Variants in ZNF100 observed in about 807,000 individuals in gnomAD.
ZNF100 encodes the protein zinc finger protein 100.
Under a neutral mutation model 15.8 loss-of-function variants are expected in ZNF100, and 12 were observed. The observed-to-expected ratio is 0.76, with a 90% CI of 0.49 to 1.23. The LOEUF (loss-of-function observed/expected upper bound fraction) is 1.23, where lower values mean the gene tolerates loss of function less well. ZNF100 is among the 50% of genes most tolerant of loss of function. The pLI is 0.00. For synonymous variants in ZNF100, 226 were observed against 214.8 expected, an observed-to-expected ratio of 1.05 and a Z score of -0.45; for missense variants, 670 against 635.6, an observed-to-expected ratio of 1.05 and a Z score of -0.58.
At chr19:21,743,853 CAAAAAAA>C (rs55874930) in intron 4 of ZNF100, among the ~76,000 whole-genome samples, 157 bp downstream of exon 4, 11 of 96,628 alleles carry the variant, frequency 1.1e-4, no homozygotes, top group Non-Finnish European at 1.8e-4. Flanking sequence ...ACGTGACAGC[CAAAAAAA>C]AAAAAAAAAA....
intron 4 of ZNF100, among the ~76,000 whole-genome samples, chr19:21,736,670 C>A (rs2036013532): frequency 1.3e-5 from 2 of 152,228 alleles, no homozygotes; most frequent in African/African-American, 4.8e-5. Context: ...TTAGCAAATT[C>A]AAAAGAACCA....
At position 21,756,994 on chromosome 19, in the gene ZNF100, C is replaced by T. The variant is rs192491751; in HGVS notation, c.96+8700G>A. 2.0e-3 allele frequency among the ~76,000 whole-genome samples: 302 copies of T among 152,318 alleles called. 1 individual carries two copies. Among genetic ancestry groups the T allele is most frequent in the Non-Finnish European group, 3.3e-3 (224 of 68,032 alleles). ...ACAAGAGGAATGAGGAAATAATTCCCTATTTAATAAATGGTGCTGGAACAA... is the reference window on the plus strand; with the variant it reads ...ACAAGAGGAATGAGGAAATAATTCCTTATTTAATAAATGGTGCTGGAACAA... On this transcript the variant is annotated intron_variant, in intron 2 of 4. Coordinates refer to ENST00000358296, the MANE Select transcript of ZNF100 (RefSeq NM_173531.4).
intron 2 of ZNF100, among the ~76,000 whole-genome samples, chr19:21,749,331 G>T (rs144623229): frequency 3.3e-5 from 5 of 151,256 alleles, no homozygotes; most frequent in African/African-American, 7.3e-5. Context: ...CTCTTACACC[G>T]AGACAGAAGC....
Position 21,727,760 on chromosome 19 carries a change from T to TGCA in ZNF100, c.551_552insTGC (p.Lys184delinsAsnAla). On this transcript the variant is annotated protein_altering_variant, in exon 5 of 5. Transcript: ENST00000358296. Reference sequence around the variant, plus strand: ...TTGAATTTGAAAATGTATGAAAGACTTTTGCAGATGGATCACATTGAAATA... The same window carrying TGCA: ...TTGAATTTGAAAATGTATGAAAGACTGCATTTGCAGATGGATCACATTGAAATA... 6.2e-7 allele frequency: 1 copy of TGCA among 1,613,832 alleles called. No homozygotes were observed. The highest frequency in any genetic ancestry group is 8.5e-7 in the Non-Finnish European group (1 of 1,179,802).
At chr19:21,753,278 A>G (rs2036339882) in intron 2 of ZNF100, 2 of 152,160 alleles carry the variant, frequency 1.3e-5, no homozygotes, top group African/African-American at 4.8e-5. Flanking sequence ...GCAAAATTAA[A>G]TGCAAAAGAA....
At chr19:21,760,751 C>CTTT (rs2036469484) in intron 2 of ZNF100, among the ~76,000 whole-genome samples, 1 of 97,040 alleles carries the variant, frequency 1.0e-5, no homozygotes, top group African/African-American at 4.2e-5. Context: ...GAAGAACTTT[C>CTTT]TTGTTTTTTT....
Position 21,736,232 on chromosome 19 carries a change from C to T in ZNF100, c.322+7785G>A, listed in dbSNP as rs147665112. Among the ~76,000 whole-genome samples the T allele has an allele frequency of 4.1e-3, 631 of 152,244 alleles. 4 individuals are homozygous for T. Among genetic ancestry groups the T allele is most frequent in the African/African-American group, 0.015 (603 of 41,534 alleles). On this transcript the variant is annotated intron_variant, in intron 4 of 4. Transcript: ENST00000358296. ...CTTCCTGAGTAGGTGGGATTACAGG[C>T]ACCAACCACTATGCCCAGCTAATTT...
chr19:21,727,713 G>T lies in ZNF100; in HGVS notation c.599C>A (p.Thr200Asn). The change falls in exon 5 of 5, where the codon ACT (threonine) becomes AAT (asparagine). Residue 200 changes from threonine (T) to asparagine (N), a missense_variant. Coordinates refer to ENST00000358296, the MANE Select transcript of ZNF100 (RefSeq NM_173531.4). The part of the protein sequence containing the change: ...SNSNRHKIRH[T>N]RKKPFKCKKC... ...TTTACATTTGAAAGGTTTCTTTCTA[G>T]TATGTCTTATCTTATGTCTGTTTGA... 1 of 1,613,688 alleles carries T rather than the reference G, an allele frequency of 6.2e-7. No homozygotes were observed. Among genetic ancestry groups the T allele is most frequent in the Non-Finnish European group, 8.5e-7 (1 of 1,179,832 alleles).
intron 4 of ZNF100, among the ~76,000 whole-genome samples, chr19:21,734,020 A>G (rs1003365412): frequency 1.3e-5 from 2 of 152,252 alleles, no homozygotes; most frequent in Non-Finnish European, 2.9e-5. Flanking sequence ...CAACCACAGC[A>G]GCATCAACAA....
chr19:21,751,435 T>G, intron 2 of ZNF100: 5 of 841,880 alleles, frequency 5.9e-6, no homozygotes, highest in Non-Finnish European at 1.1e-5. Context: ...TTCATACTCT[T>G]TTTAGTGCTG....
Position 21,767,513 on chromosome 19 carries a change from T to C in ZNF100, c.-84A>G. On this transcript the variant is annotated 5_prime_UTR_variant, in exon 1 of 5. Transcript: ENST00000358296. ...CAGAGGGCCACACAGGCTAGGCCCCTAGGAGCAGAAGACACAGAGAAGTGA... is the reference window on the plus strand; with the variant it reads ...CAGAGGGCCACACAGGCTAGGCCCCCAGGAGCAGAAGACACAGAGAAGTGA... 3.1e-6 allele frequency: 5 copies of C among 1,589,352 alleles called. No homozygotes were observed. The highest frequency in any genetic ancestry group is 2.3e-5 in the East Asian group (1 of 44,340).
At chr19:21,763,263 G>A (rs919796982) in intron 2 of ZNF100, among the ~76,000 whole-genome samples, 6 of 150,656 alleles carry the variant, frequency 4.0e-5, no homozygotes, top group South Asian at 2.1e-4. Flanking sequence ...GACCCTTTTC[G>A]GTAAAATCTC....
intron 4 of ZNF100, among the ~76,000 whole-genome samples, chr19:21,743,792 G>C (rs976471279): frequency 2.3e-5 from 3 of 131,268 alleles, no homozygotes; most frequent in African/African-American, 8.6e-5. Context: ...ATCACCAAAA[G>C]GAAAGTAGAA....
At chr19:21,765,560 T>TA in intron 2 of ZNF100, 134 bp downstream of exon 2, 1 of 747,668 alleles carries the variant, frequency 1.3e-6, no homozygotes, top group Non-Finnish European at 2.2e-6. Flanking sequence ...CTGCCCCCCT[T>TA]AGATGATCCA....
rs749978064 is a variant in ZNF100 at position 21,726,734 on chromosome 19, T to C, written c.1578A>G (p.Leu526=). The change falls in exon 5 of 5, where the codon CTA becomes CTG. Residue 526 remains leucine (L), a synonymous_variant. Transcript: ENST00000358296. ...EECGKDFNQS[L]SLIKQNNSYW... is the part of the protein sequence containing the mutation. ...ATGAGTTATTTTGTTTAATAAGGCT[T>C]AGGGACTGGTTAAAGTCTTTACCAC... 6.2e-7 allele frequency: 1 copy of C among 1,612,502 alleles called. No individual in the cohort carries two copies. The highest frequency in any genetic ancestry group is 8.5e-7 in the Non-Finnish European group (1 of 1,179,276).
chr19:21,728,005 A>G lies in ZNF100; in HGVS notation c.323-16T>C. The G allele has an allele frequency of 2.0e-6, 3 of 1,482,172 alleles. No individual in the cohort carries two copies. Among genetic ancestry groups the G allele is most frequent in the Non-Finnish European group, 2.7e-6 (3 of 1,117,784 alleles). The allele number at this position is 1,482,172 out of a possible 1,614,324, so 91.8% of individuals were successfully genotyped here. A position where few individuals can be genotyped will look rare whatever the true frequency, so the allele number is the denominator to read the frequency against. On this transcript the variant is annotated splice_polypyrimidine_tract_variant and intron_variant, in intron 4 of 4. Transcript: ENST00000358296. Reference sequence around the variant, plus strand: ...GAACATATAACTGAAAGAAATAAAAATAACAAATTACTTTACTTACTAGAC... The same window carrying G: ...GAACATATAACTGAAAGAAATAAAAGTAACAAATTACTTTACTTACTAGAC...
At chr19:21,749,468 TGA>T (rs1311289387) in intron 2 of ZNF100, among the ~76,000 whole-genome samples, 1 of 152,222 alleles carries the variant, frequency 6.6e-6, no homozygotes, top group African/African-American at 2.4e-5. Context: ...TAAGCCAGGC[TGA>T]GAGAGATTCA....
chr19:21,733,573 C>T (rs1599380625), intron 4 of ZNF100, among the ~76,000 whole-genome samples: 1 of 152,342 alleles, frequency 6.6e-6, no homozygotes. Context: ...ACAAGAAACA[C>T]ATAAAATAGT....
intron 4 of ZNF100, among the ~76,000 whole-genome samples, chr19:21,732,088 T>C (rs2035929825): frequency 6.6e-6 from 1 of 152,070 alleles, no homozygotes; most frequent in African/African-American, 2.4e-5. Context: ...AAAGAATCAC[T>C]TGAACCCAGG....
Sources: gnomAD v4.1 joint callset for allele counts (sites outside exome capture counted in the v4.1 genomes callset) on GRCh38, gnomAD v4.1.1 for gene constraint, MANE v1.5 for transcripts, NCBI Gene and HGNC (gene_info 2026-07-23, HGNC 2026-07-21) for gene names.